ANKRD24: variants seen among roughly 807,000 people sequenced by gnomAD.
ANKRD24 encodes the protein ankyrin repeat domain-containing protein 24.
In ANKRD24, 109 loss-of-function variants were observed where a neutral mutation model predicts 127.8. The ratio of observed to expected loss-of-function variants is 0.85; its 90% CI spans 0.73 to 1.00. The LOEUF (loss-of-function observed/expected upper bound fraction) is 1.00. Ranked by LOEUF, ANKRD24 falls within the 50% of genes least tolerant of loss-of-function variation. The probability of loss-of-function intolerance (pLI) is 0.00; values close to 1 mark genes in which losing one functional copy is unlikely to be tolerated. For missense variants in ANKRD24, 1,648 were observed against 1,570.2 expected, an observed-to-expected ratio of 1.05 and a Z score of -0.84; for synonymous variants, 743 against 671.1, an observed-to-expected ratio of 1.11 and a Z score of -1.66.
rs2145279356 is a variant in ANKRD24 at position 4,199,665 on chromosome 19, G to T, written c.37-18G>T. On this transcript the variant is annotated intron_variant, in intron 2 of 21. Transcript: ENST00000318934. The surrounding 1 kb of genome is among the most constrained non-coding windows in gnomAD (Gnocchi z 5.2). ...ACTGTCTGAGGACCCCCTCGCCCAG[G>T]ACCACCTCCCCCTGCAGCTGCGGCT... is the stretch of plus-strand genomic sequence containing the variant. The T allele has an allele frequency of 6.6e-7, 1 of 1,520,526 alleles. No individual in the cohort carries two copies. Among genetic ancestry groups the T allele is most frequent in the South Asian group, 1.2e-5 (1 of 81,742 alleles). 94.2% of individuals were successfully genotyped at this position (1,520,526 alleles called of 1,614,324 possible). A position where few individuals can be genotyped will look rare whatever the true frequency, so the allele number is the denominator to read the frequency against.
At chr19:4,182,805 C>T (rs1204578852) in intron 1 of ANKRD24, 65 bp downstream of exon 1, 21 of 931,798 alleles carry the variant, frequency 2.3e-5, no homozygotes, top group Non-Finnish European at 2.7e-5. Flanking sequence ...CGGCCGCCTA[C>T]GTGAGAGTTC....
At position 4,217,240 on chromosome 19, in the gene ANKRD24, A is replaced by C; in HGVS notation, c.2080A>C (p.Asn694His). ...AGGAGTCAGTGCCACAGGTGTGGAG[A>C]ACCCAGGGGTAGAGGCCACGGTCCC... ...STGVSATGVE[N>H]PGVEATVPGI... Residue 694 changes from asparagine to histidine, a missense_variant, in exon 18 of 22, where the codon AAC (asparagine) becomes CAC (histidine). Asn to His is a moderately conservative substitution (Grantham distance 68, BLOSUM62 1). Coordinates refer to ENST00000318934, the MANE Select transcript of ANKRD24 (RefSeq NM_001393985.1). 1.9e-6 allele frequency: 3 copies of C among 1,594,824 alleles called. No homozygotes were observed. In the South Asian group the frequency reaches 3.4e-5, roughly 18 times the overall value.
In ANKRD24 at chr19:4,182,752, G is replaced by A; in HGVS notation, c.-37+12G>A. ...CTCTTTGCATGCAGGTGTTTGCGGG[G>A]CTTGGGAAGGGGCTCCCCGATGACC... On this transcript the variant is annotated intron_variant, in intron 1 of 21. Transcript: ENST00000318934. 1 of 1,393,154 alleles carries A rather than the reference G, an allele frequency of 7.2e-7. No homozygotes were observed. Among genetic ancestry groups the A allele is most frequent in the Non-Finnish European group, 9.3e-7 (1 of 1,072,858 alleles). 86.3% of individuals were successfully genotyped at this position (1,393,154 alleles called of 1,614,324 possible).
chr19:4,223,401 A>ATTTT lies in ANKRD24; in HGVS notation c.3297+622_3297+625dup, dbSNP rs1173862080. ...TATATATATATATATATATATATAT[A>ATTTT]TTTTTTTTTTTTTTTTTTTGAGCCA... On this transcript the variant is annotated intron_variant, in intron 20 of 21. Transcript: ENST00000318934. 1.6e-3 allele frequency among the ~76,000 whole-genome samples: 87 copies of ATTTT among 53,316 alleles called. 4 individuals are homozygous for ATTTT. The highest frequency in any genetic ancestry group is 4.3e-3 in the African/African-American group (45 of 10,484). 35.0% of individuals were successfully genotyped at this position (53,316 alleles called of 152,430 possible).
chr19:4,210,993 C>A (rs550317800), intron 13 of ANKRD24, among the ~76,000 whole-genome samples: 1 of 151,856 alleles, frequency 6.6e-6, no homozygotes, highest in Non-Finnish European at 1.5e-5. Flanking sequence ...ACCACCACAT[C>A]CAGCTAGTTT....
At position 4,200,165 on chromosome 19, in the gene ANKRD24, G is replaced by A. The variant is rs763475296; in HGVS notation, c.337G>A (p.Gly113Arg). ...AHGSNVMSAD[G>R]AGYNALHLAA... ...TGGCAGCAATGTCATGAGCGCGGAC[G>A]GGGCAGGTACTGCCAGCTGGGCCCC... The change falls in exon 5 of 22, where the codon GGG (glycine) becomes AGG (arginine). Residue 113 changes from glycine (G) to arginine (R), a missense_variant. Physicochemically the swap from Gly to Arg is moderately radical, Grantham distance 125. Transcript: ENST00000318934. 2.7e-5 allele frequency: 44 copies of A among 1,601,514 alleles called. No individual in the cohort carries two copies. Among genetic ancestry groups the A allele is most frequent in the South Asian group, 1.9e-4 (17 of 89,252 alleles).
intron 2 of ANKRD24, among the ~76,000 whole-genome samples, chr19:4,191,781 C>CTACT (rs1555711763): frequency 6.9e-6 from 1 of 144,846 alleles, no homozygotes; most frequent in Non-Finnish European, 1.5e-5. Flanking sequence ...CGTCCCCAGC[C>CTACT]TATTTATTTA....
chr19:4,217,243 C>A lies in ANKRD24; in HGVS notation c.2083C>A (p.Pro695Thr). 2 of 1,593,122 alleles carry A rather than the reference C, an allele frequency of 1.3e-6. No individual in the cohort carries two copies. The highest frequency in any genetic ancestry group is 4.5e-5 in the East Asian group (2 of 43,962). Residue 695 changes from proline (P) to threonine (T), a missense_variant, in exon 18 of 22, where the codon CCA (proline) becomes ACA (threonine). Transcript: ENST00000318934. ...AGTCAGTGCCACAGGTGTGGAGAAC[C>A]CAGGGGTAGAGGCCACGGTCCCGGG... ...TGVSATGVEN[P>T]GVEATVPGIS...
At chr19:4,191,442 G>A (rs1968379897) in intron 2 of ANKRD24, among the ~76,000 whole-genome samples, 1 of 151,868 alleles carries the variant, frequency 6.6e-6, no homozygotes, top group East Asian at 1.9e-4. Context: ...TCTTATTTAT[G>A]TATTTACTTT....
intron 6 of ANKRD24, 58 bp downstream of exon 6, chr19:4,202,148 CA>C: frequency 2.0e-6 from 3 of 1,492,128 alleles, no homozygotes; most frequent in Non-Finnish European, 2.8e-6. Context: ...TGAGTTCCAG[CA>C]ATTCCTTGAA....
At chr19:4,186,487 A>G (rs778652286) in intron 2 of ANKRD24, 26 bp downstream of exon 2, 2 of 1,584,068 alleles carry the variant, frequency 1.3e-6, no homozygotes, top group Non-Finnish European at 1.7e-6. Flanking sequence ...TAGATGCCCG[A>G]TACACCCCTG....
chr19:4,219,201 G>A (rs573336185), intron 18 of ANKRD24, among the ~76,000 whole-genome samples: 7 of 152,100 alleles, frequency 4.6e-5, no homozygotes, highest in Admixed American at 1.3e-4. Context: ...CAGGAGAATC[G>A]CTTGAACCCG....
Position 4,216,895 on chromosome 19 carries a change from G to A in ANKRD24, c.1735G>A (p.Ala579Thr), listed in dbSNP as rs756041579. The change falls in exon 18 of 22, where the codon GCT (alanine) becomes ACT (threonine). Residue 579 changes from alanine to threonine, a missense_variant. Transcript: ENST00000318934. ...AACCATGGAAGCCAGGACTATGGAA[G>A]CTGAGGCCACGGGAGCCGAGGCCAC... ...DETMEARTME[A>T]EATGAEATGA... 2 of 1,611,384 alleles carry A rather than the reference G, an allele frequency of 1.2e-6. No homozygotes were observed. Among genetic ancestry groups the A allele is most frequent in the African/African-American group, 1.3e-5 (1 of 74,938 alleles).
chr19:4,192,709 T>C (rs1193228265), intron 2 of ANKRD24, among the ~76,000 whole-genome samples: 3 of 150,578 alleles, frequency 2.0e-5, no homozygotes, highest in Admixed American at 6.6e-5. Flanking sequence ...GATGGGAGGA[T>C]CACTTAAGCC....
At chr19:4,186,563 C>A in intron 2 of ANKRD24, 102 bp downstream of exon 2, 1 of 1,326,062 alleles carries the variant, frequency 7.5e-7, no homozygotes, top group Non-Finnish European at 1.1e-6. Context: ...GTACCCACCT[C>A]TTCTCCTTTC....
chr19:4,182,994 T>TGTGTGTGTGA (rs1253483905), intron 1 of ANKRD24, among the ~76,000 whole-genome samples: 1 of 151,694 alleles, frequency 6.6e-6, no homozygotes, highest in Non-Finnish European at 1.5e-5. Flanking sequence ...TGTGTGTGTG[T>TGTGTGTGTGA]GTGTGACGGA....
intron 8 of ANKRD24, 70 bp downstream of exon 8, chr19:4,207,382 C>G (rs967264749): frequency 1.1e-5 from 18 of 1,584,636 alleles, no homozygotes; most frequent in Non-Finnish European, 1.6e-5. Context: ...GGCAGTATCT[C>G]AGGCACCCTT....
chr19:4,218,339 G>A (rs572628230), intron 18 of ANKRD24, among the ~76,000 whole-genome samples, 176 bp downstream of exon 18: 7 of 146,848 alleles, frequency 4.8e-5, no homozygotes, highest in Non-Finnish European at 8.9e-5. Context: ...CACTCGTGTC[G>A]CCCAGGCTGG....
Position 4,207,858 on chromosome 19 carries a change from G to T in ANKRD24, c.722G>T (p.Gly241Val). 1 of 1,563,550 alleles carries T rather than the reference G, an allele frequency of 6.4e-7. No homozygotes were observed. The highest frequency in any genetic ancestry group is 8.6e-7 in the Non-Finnish European group (1 of 1,156,532). ...EVLLQGGAQP[G>V]ITDALGQDAA... ...CTGCTGCAGGGCGGAGCCCAGCCGG[G>T]CATCACCGATGCGCTGGGGCAGGAC... is the stretch of plus-strand genomic sequence containing the variant. The change falls in exon 10 of 22, where the codon GGC becomes GTC. Residue 241 changes from glycine to valine, a missense_variant. Coordinates refer to ENST00000318934, the MANE Select transcript of ANKRD24 (RefSeq NM_001393985.1).
Sources: gnomAD v4.1 joint callset for allele counts (sites outside exome capture counted in the v4.1 genomes callset) on GRCh38, gnomAD v4.1.1 for gene constraint, Gnocchi (gnomAD v3.1) non-coding constraint, MANE v1.5 for transcripts, NCBI Gene and HGNC (gene_info 2026-07-23, HGNC 2026-07-21) for gene names.